The following FUT9 variants were observed in gnomAD, a reference collection of about 807,000 sequenced individuals.
FUT9 encodes 4-galactosyl-N-acetylglucosaminide 3-alpha-L-fucosyltransferase 9.
Under a neutral mutation model 29.7 loss-of-function variants are expected in FUT9, and 15 were observed. The observed-to-expected ratio is 0.51, with a 90% confidence interval of 0.34 to 0.78. FUT9 has a LOEUF of 0.78. Ranked by LOEUF, FUT9 falls within the 30% of genes least tolerant of loss-of-function variation. The pLI is 0.01. For synonymous variants in FUT9, 169 were observed against 153.7 expected (o/e 1.10, Z -0.74); for missense variants, 319 against 425.4 (o/e 0.75, Z 2.20).
chr6:96,100,235 ACACACACACACAC>A (rs1771565057), intron 1 of FUT9, among the ~76,000 whole-genome samples: 19 of 1,140 alleles, frequency 0.017, no homozygotes, highest in Admixed American at 0.096. Context: ...ACACCAACAC[ACACACACACACAC>A]ACACACACAC....
At chr6:96,174,929 A>G (rs1773177910) in intron 2 of FUT9, among the ~76,000 whole-genome samples, 1 of 152,176 alleles carries the variant, frequency 6.6e-6, no homozygotes, top group South Asian at 2.1e-4. Flanking sequence ...TTTAGAAAAA[A>G]TCATCAGATT....
chr6:96,179,100 T>C (rs748770525), intron 2 of FUT9, among the ~76,000 whole-genome samples: 2 of 152,140 alleles, frequency 1.3e-5, no homozygotes, highest in Non-Finnish European at 2.9e-5. Context: ...AATATATAGT[T>C]ATTGGGATCT....
chr6:96,195,001 A>T (rs945487212), intron 2 of FUT9, among the ~76,000 whole-genome samples: 1 of 152,140 alleles, frequency 6.6e-6, no homozygotes, highest in Non-Finnish European at 1.5e-5. Flanking sequence ...AGGACTAGTG[A>T]TTGAGTAGAG....
rs1328333161 is a variant in FUT9, at chr6:96,212,379, A to G, written c.*8144A>G. 2 of 412,522 alleles carry G rather than the reference A, an allele frequency of 4.8e-6. No individual in the cohort carries two copies. The highest frequency in any genetic ancestry group is 7.1e-5 in the East Asian group (2 of 28,052). The allele number at this position is 412,522 out of a possible 1,614,324, so 25.6% of individuals were successfully genotyped here. On this transcript the variant is annotated 3_prime_UTR_variant, in exon 3 of 3. Coordinates refer to ENST00000302103, the MANE Select transcript of FUT9 (RefSeq NM_006581.4). ...TGGTTTTCTGCCTCAAGAGTCCTTA[A>G]GCAAATGAAGATTATCTGATTGTCT...
At chr6:96,052,475 G>C (rs1417006386) in intron 1 of FUT9, among the ~76,000 whole-genome samples, 1 of 152,134 alleles carries the variant, frequency 6.6e-6, no homozygotes, top group Admixed American at 6.5e-5. Flanking sequence ...TGCATCACAA[G>C]GTTCCAAGTA....
chr6:96,097,207 G>A (rs2127955591), intron 1 of FUT9, among the ~76,000 whole-genome samples: 1 of 152,330 alleles, frequency 6.6e-6, no homozygotes. Context: ...CACTAGAAGG[G>A]ATTTCCCTGA....
At chr6:96,195,536 A>C (rs984028951) in intron 2 of FUT9, among the ~76,000 whole-genome samples, 1 of 152,190 alleles carries the variant, frequency 6.6e-6, no homozygotes, top group African/African-American at 2.4e-5. Flanking sequence ...TAATGGAGAA[A>C]ATTGTGGGAA....
intron 2 of FUT9, among the ~76,000 whole-genome samples, chr6:96,141,472 A>G (rs1441701828): frequency 6.6e-6 from 1 of 152,194 alleles, no homozygotes; most frequent in Non-Finnish European, 1.5e-5. Flanking sequence ...GGAGAATGAA[A>G]AGCCTCAAGG....
chr6:96,123,654 T>G (rs1035855645), intron 2 of FUT9, among the ~76,000 whole-genome samples: 2 of 152,208 alleles, frequency 1.3e-5, no homozygotes, highest in African/African-American at 4.8e-5. Flanking sequence ...CAACTTTGTG[T>G]AAAATCAGTT....
chr6:96,127,295 A>G (rs1307108312), intron 2 of FUT9, among the ~76,000 whole-genome samples: 2 of 152,238 alleles, frequency 1.3e-5, no homozygotes, highest in African/African-American at 4.8e-5. Flanking sequence ...CATGATACTT[A>G]GTTTCTTGTT....
rs941217856 is a variant in FUT9 at position 96,212,511 on chromosome 6, G to A, written c.*8276G>A. On this transcript the variant is annotated 3_prime_UTR_variant, in exon 3 of 3. Coordinates refer to ENST00000302103, the MANE Select transcript of FUT9 (RefSeq NM_006581.4). ...TCAAAAAACAAAGACTATCATATTTGAGAACAAGATTTTACTTAGAAGGGA... is the reference window on the plus strand; with the variant it reads ...TCAAAAAACAAAGACTATCATATTTAAGAACAAGATTTTACTTAGAAGGGA... 1 of 407,644 alleles carries A rather than the reference G, an allele frequency of 2.5e-6. No individual in the cohort carries two copies. Among genetic ancestry groups the A allele is most frequent in the Admixed American group, 4.4e-5 (1 of 22,606 alleles). The allele number at this position is 407,644 out of a possible 1,614,324, so 25.3% of individuals were successfully genotyped here.
At chr6:96,116,790 T>C (rs898952345) in intron 2 of FUT9, among the ~76,000 whole-genome samples, 3 of 152,086 alleles carry the variant, frequency 2.0e-5, no homozygotes, top group Non-Finnish European at 4.4e-5. Context: ...TAGAGATATA[T>C]TGAGTTGGAG....
chr6:96,186,177 A>G (rs1462313818), intron 2 of FUT9, among the ~76,000 whole-genome samples: 1 of 151,986 alleles, frequency 6.6e-6, no homozygotes, highest in Admixed American at 6.6e-5. Context: ...TTATCATATT[A>G]TTTCTTAGGC....
At chr6:96,179,121 C>T (rs545345244) in intron 2 of FUT9, among the ~76,000 whole-genome samples, 152 of 152,222 alleles carry the variant, frequency 1.0e-3, no homozygotes, top group African/African-American at 3.5e-3. Flanking sequence ...TAGGTATAGT[C>T]ATCCCGTATT....
At chr6:96,150,843 A>G (rs1389802192) in intron 2 of FUT9, among the ~76,000 whole-genome samples, 1 of 152,182 alleles carries the variant, frequency 6.6e-6, no homozygotes, top group Admixed American at 6.5e-5. Context: ...GGTTTATATC[A>G]TTCCCTAGGA....
At chr6:96,158,658 T>C (rs919971171) in intron 2 of FUT9, among the ~76,000 whole-genome samples, 9 of 152,074 alleles carry the variant, frequency 5.9e-5, no homozygotes, top group African/African-American at 2.2e-4. Flanking sequence ...AATGATCAAG[T>C]ATTCTGGAGA....
At chr6:96,056,279 T>A (rs1042706288) in intron 1 of FUT9, among the ~76,000 whole-genome samples, 1 of 152,130 alleles carries the variant, frequency 6.6e-6, no homozygotes, top group Non-Finnish European at 1.5e-5. Context: ...TCCCATTGAG[T>A]GGGGTAGAAA....
chr6:96,184,552 G>A lies in FUT9; in HGVS notation c.-8-18596G>A, dbSNP rs141841227. ...CTTGAGGTGTGACCTTAGATTTACT[G>A]TTTGTGCTCTTTAGATTTTTCAGTG... On this transcript the variant is annotated intron_variant, in intron 2 of 2. Transcript: ENST00000302103. 2.4e-3 allele frequency among the ~76,000 whole-genome samples: 363 copies of A among 151,850 alleles called. 1 individual carries two copies. The highest frequency in any genetic ancestry group is 8.4e-3 in the African/African-American group (350 of 41,474).
intron 2 of FUT9, among the ~76,000 whole-genome samples, chr6:96,130,647 G>T (rs12662369): frequency 0.098 from 14,964 of 152,074 alleles, 972 homozygotes; most frequent in East Asian, 0.34. Context: ...TATTTTTAAA[G>T]GTTACAAAAG....
Sources: gnomAD v4.1 joint callset for allele counts (sites outside exome capture counted in the v4.1 genomes callset) on GRCh38, gnomAD v4.1.1 for gene constraint, MANE v1.5 for transcripts, NCBI Gene and HGNC (gene_info 2026-07-23, HGNC 2026-07-21) for gene names.